SUPT16H: variants seen among roughly 807,000 people sequenced by gnomAD.
SUPT16H encodes FACT complex subunit SPT16.
SUPT16H carries 24 observed loss-of-function variants against 136.2 expected under a neutral mutation model. That is an observed-to-expected ratio of 0.18 (90% CI 0.13 to 0.25). The LOEUF is 0.25. SUPT16H is among the 10% of genes least tolerant of loss of function. The pLI is 1.00. For synonymous variants in SUPT16H, 415 were observed against 428.2 expected (o/e 0.97, Z 0.38); for missense variants, 623 against 1,270.2 (o/e 0.49, Z 7.74).
chr14:21,359,680 T>G, intron 18 of SUPT16H, 71 bp from the exon 19 acceptor site: 1 of 1,562,916 alleles, frequency 6.4e-7, no homozygotes, highest in East Asian at 2.3e-5. Context: ...ATGGCAGTGA[T>G]CCAAACTTGG....
At chr14:21,360,316 C>T in intron 18 of SUPT16H, 99 bp downstream of exon 18, 6 of 957,768 alleles carry the variant, frequency 6.3e-6, no homozygotes, top group South Asian at 1.6e-5. Context: ...GCATGAGCCA[C>T]CGCGCCCAGC....
At chr14:21,356,385 G>A (rs894505122) in intron 22 of SUPT16H, among the ~76,000 whole-genome samples, 1 of 152,208 alleles carries the variant, frequency 6.6e-6, no homozygotes, top group Non-Finnish European at 1.5e-5. Context: ...TCAGCAGAGA[G>A]ATCTCACAAT....
In SUPT16H at chr14:21,356,555, G is replaced by A. The variant is rs370635199; in HGVS notation, c.2660+642C>T. ...CAAACAGAATCCAACTAACTTGACT[G>A]CATCCTAGAATAACCTCATCTCTAG... On this transcript the variant is annotated intron_variant, in intron 22 of 25. Transcript: ENST00000216297. Among the ~76,000 whole-genome samples the A allele has an allele frequency of 5.2e-4, 79 of 152,168 alleles. 1 individual carries two copies. Among genetic ancestry groups the A allele is most frequent in the Middle Eastern group, 3.4e-3 (1 of 294 alleles).
intron 1 of SUPT16H, among the ~76,000 whole-genome samples, chr14:21,374,797 G>A (rs576319530): frequency 1.9e-4 from 29 of 152,142 alleles, no homozygotes; most frequent in Non-Finnish European, 3.7e-4. Flanking sequence ...AATATGTTTT[G>A]TATGGACATT....
chr14:21,373,486 A>T (rs922944760), intron 1 of SUPT16H, 56 bp from the exon 2 acceptor site: 7 of 1,244,168 alleles, frequency 5.6e-6, no homozygotes, highest in Non-Finnish European at 8.3e-6. Context: ...ACAGGAATAC[A>T]GCCTTCAATA....
chr14:21,351,812 T>C lies in SUPT16H; in HGVS notation c.*861A>G, dbSNP rs1242930282. 6.5e-6 allele frequency: 1 copy of C among 152,960 alleles called. No homozygotes were observed. The highest frequency in any genetic ancestry group is 1.5e-5 in the Non-Finnish European group (1 of 68,254). The allele number at this position is 152,960 out of a possible 1,614,324, so 9.5% of individuals were successfully genotyped here. A position where few individuals can be genotyped will look rare whatever the true frequency, so the allele number is the denominator to read the frequency against. On this transcript the variant is annotated 3_prime_UTR_variant, in exon 26 of 26. Coordinates refer to ENST00000216297, the MANE Select transcript of SUPT16H (RefSeq NM_007192.4). Reference sequence around the variant, plus strand: ...GTGTTGTAGATATGGCCTCCCTTCCTCTTCTCTTTTCTCATCAGGGTATTC... The same window carrying C: ...GTGTTGTAGATATGGCCTCCCTTCCCCTTCTCTTTTCTCATCAGGGTATTC...
chr14:21,374,012 G>A (rs1374672529), intron 1 of SUPT16H, among the ~76,000 whole-genome samples: 2 of 152,234 alleles, frequency 1.3e-5, no homozygotes, highest in African/African-American at 2.4e-5. Context: ...ACAGGCATAA[G>A]CCACCATGCC....
chr14:21,366,180 T>C (rs984897473), intron 8 of SUPT16H, among the ~76,000 whole-genome samples: 22 of 152,200 alleles, frequency 1.4e-4, no homozygotes, highest in African/African-American at 5.3e-4. Context: ...ATTGATAATA[T>C]TTCCTAACAT....
chr14:21,358,264 G>A (rs1019058377), intron 20 of SUPT16H, 51 bp downstream of exon 20: 3 of 1,112,776 alleles, frequency 2.7e-6, no homozygotes, highest in Non-Finnish European at 1.3e-6. Context: ...ATAATTTATT[G>A]TACCAAAAGA....
chr14:21,371,804 A>G lies in SUPT16H; in HGVS notation c.330+70T>C. On this transcript the variant is annotated intron_variant, in intron 3 of 25. Coordinates refer to ENST00000216297, the MANE Select transcript of SUPT16H (RefSeq NM_007192.4). ...CCCCTGCGCATTCTTTCAAACTCCTATAAGGCATTTCTGTTCATCCCTTTT... is the reference window on the plus strand; with the variant it reads ...CCCCTGCGCATTCTTTCAAACTCCTGTAAGGCATTTCTGTTCATCCCTTTT... The G allele has an allele frequency of 3.2e-6, 5 of 1,582,698 alleles. No individual in the cohort carries two copies. In the South Asian group the frequency reaches 5.7e-5, roughly 18 times the overall value.
At chr14:21,356,928 G>C (rs1307697949) in intron 22 of SUPT16H, among the ~76,000 whole-genome samples, 1 of 152,090 alleles carries the variant, frequency 6.6e-6, no homozygotes, top group Non-Finnish European at 1.5e-5. Flanking sequence ...AGGAGTTTGA[G>C]ACCAGCCTGG....
At chr14:21,367,049 T>TC (rs1431359783) in intron 7 of SUPT16H, among the ~76,000 whole-genome samples, 7 of 152,282 alleles carry the variant, frequency 4.6e-5, no homozygotes, top group African/African-American at 1.7e-4. Context: ...CACGCCTTTC[T>TC]CCTGCGTCAG....
At chr14:21,381,597 G>C (rs966110434) in intron 1 of SUPT16H, among the ~76,000 whole-genome samples, 3 of 134,118 alleles carry the variant, frequency 2.2e-5, no homozygotes, top group Admixed American at 8.2e-5. Flanking sequence ...AAAGCAAAAG[G>C]CTTGGGATTT....
At chr14:21,357,486 T>G in intron 21 of SUPT16H, 120 bp from the exon 22 acceptor site, 1 of 1,122,548 alleles carries the variant, frequency 8.9e-7, no homozygotes, top group Non-Finnish European at 1.2e-6. Context: ...TTTTTGGTTT[T>G]TTTTTTGAAA....
At position 21,363,098 on chromosome 14, in the gene SUPT16H, C is replaced by T. The variant is rs1334902610; in HGVS notation, c.1447G>A (p.Ala483Thr). The change falls in exon 13 of 26, where the codon GCT (alanine) becomes ACT (threonine). Residue 483 changes from alanine (A) to threonine (T), a missense_variant. Ala to Thr is a moderately conservative substitution (Grantham distance 58). Transcript: ENST00000216297. ...CTCTTTGCTTCTTCATTGAGTTGAG[C>T]CGCTAGTTCTTTCTGATGTGCTCTT... ...KRRAHQKELA[A>T]QLNEEAKRRL... 5 of 1,613,772 alleles carry T rather than the reference C, an allele frequency of 3.1e-6. No individual in the cohort carries two copies. Among genetic ancestry groups the T allele is most frequent in the Non-Finnish European group, 4.2e-6 (5 of 1,180,048 alleles).
At chr14:21,374,655 C>T (rs61971524) in intron 1 of SUPT16H, among the ~76,000 whole-genome samples, 7,406 of 152,296 alleles carry the variant, frequency 0.049, 301 homozygotes, top group African/African-American at 0.11. Context: ...CACGTATCAA[C>T]ACTTCATTCC....
intron 22 of SUPT16H, among the ~76,000 whole-genome samples, chr14:21,355,881 G>A (rs1269919180): frequency 1.3e-5 from 2 of 152,192 alleles, no homozygotes; most frequent in African/African-American, 4.8e-5. Flanking sequence ...CCATGATGGA[G>A]TAACAATGAC....
At chr14:21,366,656 CT>C (rs66530934) in intron 7 of SUPT16H, 127 bp from the exon 8 acceptor site, 569 of 607,248 alleles carry the variant, frequency 9.4e-4, no homozygotes, top group Admixed American at 3.6e-3. Context: ...AGTCCACTCA[CT>C]TTTTTTTTTT....
chr14:21,359,689 G>T, intron 18 of SUPT16H, 80 bp from the exon 19 acceptor site: 1 of 1,535,714 alleles, frequency 6.5e-7, no homozygotes. Context: ...ATCCAAACTT[G>T]GGCCTCCACA....
Sources: allele counts gnomAD v4.1 joint callset (sites outside exome capture counted in the v4.1 genomes callset), GRCh38; gene constraint gnomAD v4.1.1; transcripts MANE v1.5; gene names NCBI Gene and HGNC (gene_info 2026-07-23, HGNC 2026-07-21).